Variants in ELN observed in about 807,000 individuals in gnomAD.
ELN encodes the protein elastin.
A neutral mutation model predicts 105.8 loss-of-function variants in ELN; 65 were observed. That is an observed-to-expected ratio of 0.61 (90% CI 0.50 to 0.75). The LOEUF is 0.75. Among genes scored for constraint, ELN ranks in the 30% least tolerant of loss-of-function variants. The pLI, the probability that ELN is intolerant of heterozygous loss-of-function variation, is 0.00. For missense variants in ELN, 882 were observed against 969.4 expected (o/e 0.91, Z 1.20); for synonymous variants, 368 against 389.2 (o/e 0.95, Z 0.64).
chr7:74,045,364 TG>T, intron 10 of ELN, 71 bp downstream of exon 10: 1 of 1,568,384 alleles, frequency 6.4e-7, no homozygotes. Context: ...GGGTGTGAAA[TG>T]GGGTGGGATC....
At chr7:74,057,759 G>A (rs953071571) in intron 22 of ELN, 63 bp downstream of exon 22, 11 of 1,584,674 alleles carry the variant, frequency 6.9e-6, no homozygotes, top group Non-Finnish European at 9.5e-6. Flanking sequence ...GCCCTGCTCT[G>A]GGGTCTGACC....
At position 74,042,520 on chromosome 7, in the gene ELN, G is replaced by A. The variant is rs13239907; in HGVS notation, c.233-94G>A. 0.11 allele frequency: 120,486 copies of A among 1,080,560 alleles called. 11,207 individuals carry two copies. Among genetic ancestry groups the A allele is most frequent in the East Asian group, 0.37 (15,522 of 42,126 alleles). The allele number at this position is 1,080,560 out of a possible 1,614,324, so 66.9% of individuals were successfully genotyped here. A position where few individuals can be genotyped will look rare whatever the true frequency, so the allele number is the denominator to read the frequency against. On this transcript the variant is annotated intron_variant, in intron 5 of 32. Transcript: ENST00000252034. ...CAGAGAGCGGAAGAGCCTCCAATGT[G>A]CTTCCTGAGTGGGGCACAGCCAGGC...
chr7:74,067,731 C>G (rs1354453374), intron 32 of ELN, among the ~76,000 whole-genome samples: 1 of 150,168 alleles, frequency 6.7e-6, no homozygotes, highest in Admixed American at 6.6e-5. Flanking sequence ...CCACTGCACT[C>G]CAGCCTGGGC....
chr7:74,054,799 C>G, intron 19 of ELN, 30 bp downstream of exon 19: 5 of 1,613,376 alleles, frequency 3.1e-6, no homozygotes, highest in Non-Finnish European at 4.2e-6. Context: ...CTCTGCCCCA[C>G]CCTGTCCTGG....
At chr7:74,049,129 A>C (rs115999580) in intron 15 of ELN, among the ~76,000 whole-genome samples, 2,057 of 150,142 alleles carry the variant, frequency 0.014, 38 homozygotes, top group African/African-American at 0.048. Flanking sequence ...CTATCCATCC[A>C]TCTGTCCACA....
chr7:74,049,405 CCCAT>C (rs1793379338), intron 15 of ELN, among the ~76,000 whole-genome samples: 1 of 133,520 alleles, frequency 7.5e-6, no homozygotes, highest in Admixed American at 7.5e-5. Flanking sequence ...CATCTATGCA[CCCAT>C]CCATCCATCC....
intron 6 of ELN, 132 bp downstream of exon 6, chr7:74,042,838 C>T: frequency 6.5e-7 from 1 of 1,531,206 alleles, no homozygotes; most frequent in South Asian, 1.1e-5. Flanking sequence ...TCTACTGGGG[C>T]TCAGGGAGGC....
At chr7:74,037,099 G>A (rs1326724771) in intron 3 of ELN, among the ~76,000 whole-genome samples, 6 of 151,990 alleles carry the variant, frequency 3.9e-5, no homozygotes, top group Non-Finnish European at 4.4e-5. Flanking sequence ...GGGATTACAG[G>A]CGTGAGCCAC....
chr7:74,051,059 T>C (rs964455027), intron 15 of ELN, among the ~76,000 whole-genome samples: 10 of 152,236 alleles, frequency 6.6e-5, no homozygotes, highest in African/African-American at 2.2e-4. Context: ...TGGCTGCAGA[T>C]GGAACGTGGT....
chr7:74,043,656 G>A, intron 8 of ELN: 2 of 659,628 alleles, frequency 3.0e-6, no homozygotes, highest in Non-Finnish European at 5.4e-6. Context: ...ATGTAAACAG[G>A]CTCCAGGAGA....
At chr7:74,067,624 G>A (rs1313017623) in intron 32 of ELN, among the ~76,000 whole-genome samples, 4 of 151,782 alleles carry the variant, frequency 2.6e-5, no homozygotes, top group African/African-American at 9.7e-5. Flanking sequence ...TGTAGTCTCA[G>A]CTACTCGGGA....
chr7:74,056,215 C>A (rs1489352375), intron 19 of ELN, 56 bp from the exon 20 acceptor site: 2 of 1,609,346 alleles, frequency 1.2e-6, no homozygotes, highest in Non-Finnish European at 1.7e-6. Flanking sequence ...TCCCTCAGAG[C>A]CCGCCCAGCC....
rs1791651767 is a variant in ELN at position 74,043,197 on chromosome 7, A to ACAGAGGGCAGGGAGGGG, written c.427+45_427+61dup. The ACAGAGGGCAGGGAGGGG allele has an allele frequency of 5.7e-6, 9 of 1,568,832 alleles. No individual in the cohort carries two copies. The African/African-American group carries it at 6.8e-5, about 12-fold the overall frequency. On this transcript the variant is annotated intron_variant, in intron 8 of 32. Transcript: ENST00000252034. Reference sequence around the variant, plus strand: ...AGTGCGGAATCCCTGGGGCTGGAGGACAGAGGGCAGGGAGGGGCAGAGGGC... The same window carrying ACAGAGGGCAGGGAGGGG: ...AGTGCGGAATCCCTGGGGCTGGAGGACAGAGGGCAGGGAGGGGCAGAGGGCAGGGAGGGGCAGAGGGC...
At chr7:74,036,674 A>T (rs1790028282) in intron 3 of ELN, 90 bp downstream of exon 3, 1 of 1,574,396 alleles carries the variant, frequency 6.4e-7, no homozygotes, top group East Asian at 2.2e-5. Context: ...ACCCTGGGAG[A>T]CCCGAGCATC....
intron 31 of ELN, 78 bp from the exon 32 acceptor site, chr7:74,066,654 C>T (rs781948617): frequency 2.0e-5 from 28 of 1,435,530 alleles, no homozygotes; most frequent in Non-Finnish European, 2.7e-5. Flanking sequence ...CTTGGGTGAG[C>T]CAGTGCAGGC....
chr7:74,068,277 G>A (rs1377832988), intron 32 of ELN, among the ~76,000 whole-genome samples: 1 of 152,180 alleles, frequency 6.6e-6, no homozygotes, highest in Admixed American at 6.5e-5. Flanking sequence ...TCCCTGAGAG[G>A]GCCGTCTCCT....
chr7:74,046,013 C>T (rs880001019), intron 10 of ELN, 175 bp from the exon 11 acceptor site: 11 of 821,788 alleles, frequency 1.3e-5, no homozygotes, highest in East Asian at 8.0e-5. Context: ...CCAGCCTGGG[C>T]GACAAGAGCG....
chr7:74,036,018 C>T (rs1227527764), intron 2 of ELN, among the ~76,000 whole-genome samples: 3 of 151,850 alleles, frequency 2.0e-5, no homozygotes, highest in Admixed American at 6.6e-5. Flanking sequence ...AGGCCAGGCA[C>T]GGTGGCTCAA....
At chr7:74,044,022 G>A in intron 9 of ELN, 102 bp downstream of exon 9, 6 of 1,488,270 alleles carry the variant, frequency 4.0e-6, no homozygotes, top group East Asian at 2.3e-5. Flanking sequence ...GAGGCAGGAG[G>A]ATGGCTTGAG....
Sources: gnomAD v4.1 joint callset for allele counts (sites outside exome capture counted in the v4.1 genomes callset) on GRCh38, gnomAD v4.1.1 for gene constraint, MANE v1.5 for transcripts, NCBI Gene and HGNC (gene_info 2026-07-23, HGNC 2026-07-21) for gene names.